The following UBAP2 variants were observed in gnomAD, a reference collection of about 807,000 sequenced individuals.
UBAP2 encodes the protein ubiquitin-associated protein 2.
UBAP2 carries 75 observed loss-of-function variants against 139.6 expected under a neutral mutation model. That is an observed-to-expected ratio of 0.54 (90% CI 0.45 to 0.65). The LOEUF (loss-of-function observed/expected upper bound fraction) is 0.65, where lower values mean the gene tolerates loss of function less well. UBAP2 is among the 30% of genes least tolerant of loss of function. The pLI, the probability that UBAP2 is intolerant of heterozygous loss-of-function variation, is 0.00. For synonymous variants in UBAP2, 526 were observed against 526.2 expected (o/e 1.00, Z 0.01); for missense variants, 1,368 against 1,369.6 (o/e 1.00, Z 0.02).
intron 2 of UBAP2, among the ~76,000 whole-genome samples, chr9:34,006,708 A>G (rs1823253472): frequency 6.6e-6 from 1 of 152,126 alleles, no homozygotes; most frequent in Non-Finnish European, 1.5e-5. Context: ...CGTAAAGAAA[A>G]TGTGGGCCTA....
At chr9:34,018,690 C>A (rs1015789113) in intron 1 of UBAP2, among the ~76,000 whole-genome samples, 9 of 151,964 alleles carry the variant, frequency 5.9e-5, no homozygotes, top group Non-Finnish European at 1.3e-4. Flanking sequence ...GGTGAAACCC[C>A]GTCTCTACTA....
At chr9:34,019,883 C>T (rs985871879) in intron 1 of UBAP2, among the ~76,000 whole-genome samples, 5 of 151,918 alleles carry the variant, frequency 3.3e-5, no homozygotes, top group Admixed American at 6.6e-5. Context: ...AATGTGCAGC[C>T]GGTCGCGGTG....
chr9:33,997,281 T>C (rs1452585935), intron 3 of UBAP2: 1 of 152,198 alleles, frequency 6.6e-6, no homozygotes, highest in African/African-American at 2.4e-5. Context: ...CTAGGCAAAA[T>C]GCAGGTTTCT....
intron 2 of UBAP2, among the ~76,000 whole-genome samples, chr9:34,012,097 T>C (rs1264488961): frequency 6.6e-6 from 1 of 152,234 alleles, no homozygotes; most frequent in African/African-American, 2.4e-5. Flanking sequence ...TTCTAAGACA[T>C]TTTATATCAT....
In UBAP2 at chr9:33,963,841, G is replaced by A. The variant is rs1323821300; in HGVS notation, c.680-50C>T. ...GTTTAAACATATGAAAAGAATGAAA[G>A]TATTCATCACAGAGAAGATGGTCAC... On this transcript the variant is annotated intron_variant, in intron 8 of 28. Transcript: ENST00000379238. 3 of 1,361,920 alleles carry A rather than the reference G, an allele frequency of 2.2e-6. No individual in the cohort carries two copies. In the Admixed American group the frequency reaches 5.1e-5, roughly 23 times the overall value. The allele number at this position is 1,361,920 out of a possible 1,614,324, so 84.4% of individuals were successfully genotyped here.
chr9:33,948,195 A>T (rs533086176), intron 13 of UBAP2, among the ~76,000 whole-genome samples, 179 bp downstream of exon 13: 15 of 152,164 alleles, frequency 9.9e-5, no homozygotes, highest in African/African-American at 3.6e-4. Flanking sequence ...AACAACAAAA[A>T]CAAATAAATG....
intron 1 of UBAP2, among the ~76,000 whole-genome samples, chr9:34,035,589 G>C (rs1184153687): frequency 7.0e-6 from 1 of 143,864 alleles, no homozygotes; most frequent in East Asian, 2.2e-4. Context: ...GGAGGCTGAG[G>C]CACAAGAATC....
chr9:34,021,012 A>G (rs972049314), intron 1 of UBAP2, among the ~76,000 whole-genome samples: 3 of 152,138 alleles, frequency 2.0e-5, no homozygotes, highest in Admixed American at 2.0e-4. Context: ...CATGATGTGG[A>G]AAGATATTCC....
chr9:33,974,081 C>T (rs538423205), intron 6 of UBAP2, among the ~76,000 whole-genome samples: 3 of 152,038 alleles, frequency 2.0e-5, no homozygotes, highest in African/African-American at 7.2e-5. Flanking sequence ...AACTTAGCTA[C>T]CTGACAGGCT....
chr9:34,018,536 A>G (rs1436281666), intron 1 of UBAP2, among the ~76,000 whole-genome samples: 4 of 152,262 alleles, frequency 2.6e-5, no homozygotes, highest in Admixed American at 2.6e-4. Flanking sequence ...CTCAAAGCAG[A>G]GTCTCAAAGA....
chr9:33,986,697 A>G (rs1473026770), intron 6 of UBAP2, 63 bp downstream of exon 6: 1 of 1,368,076 alleles, frequency 7.3e-7, no homozygotes, highest in Non-Finnish European at 1.0e-6. Flanking sequence ...ACAGTCCAGC[A>G]ACGCAACTGC....
chr9:34,030,753 C>T (rs564737937), intron 1 of UBAP2, among the ~76,000 whole-genome samples: 23 of 151,850 alleles, frequency 1.5e-4, no homozygotes, highest in African/African-American at 4.8e-4. Flanking sequence ...GGTGAAACCC[C>T]GTCTCTACTA....
chr9:33,941,930 A>G, intron 15 of UBAP2, 68 bp from the exon 16 acceptor site: 1 of 1,062,340 alleles, frequency 9.4e-7, no homozygotes, highest in Non-Finnish European at 1.4e-6. Flanking sequence ...AAAAAAAAAC[A>G]TAAACAGCTT....
chr9:33,926,914 C>G, intron 21 of UBAP2, 75 bp downstream of exon 21: 2 of 1,468,292 alleles, frequency 1.4e-6, no homozygotes, highest in Non-Finnish European at 1.9e-6. Context: ...CTGGGCCCAA[C>G]GCCAGGTTCC....
intron 4 of UBAP2, among the ~76,000 whole-genome samples, chr9:33,990,172 T>C (rs1821577685): frequency 6.6e-6 from 1 of 152,164 alleles, no homozygotes; most frequent in Non-Finnish European, 1.5e-5. Context: ...ATTGGCCCAA[T>C]AGTTTCCATT....
At chr9:34,021,682 G>A (rs1245550838) in intron 1 of UBAP2, among the ~76,000 whole-genome samples, 1 of 148,744 alleles carries the variant, frequency 6.7e-6, no homozygotes, top group Admixed American at 6.8e-5. Flanking sequence ...CACCCAGGCT[G>A]GAGTGCAGTG....
intron 3 of UBAP2, 54 bp from the exon 4 acceptor site, chr9:33,996,387 A>G: frequency 8.7e-7 from 1 of 1,154,362 alleles, no homozygotes; most frequent in Non-Finnish European, 1.3e-6. Flanking sequence ...GGCACTTGAT[A>G]TTAAGATTCT....
At chr9:33,991,683 GA>G in intron 4 of UBAP2, among the ~76,000 whole-genome samples, 1 of 152,116 alleles carries the variant, frequency 6.6e-6, no homozygotes, top group East Asian at 1.9e-4. Flanking sequence ...CTATGCCAGA[GA>G]AAATAATGCC....
chr9:33,926,933 G>T, intron 21 of UBAP2, 56 bp downstream of exon 21: 3 of 1,557,748 alleles, frequency 1.9e-6, no homozygotes, highest in Non-Finnish European at 2.7e-6. Flanking sequence ...CCTGCCAGGT[G>T]CCAGCCCCCG....
Sources: allele counts gnomAD v4.1 joint callset (sites outside exome capture counted in the v4.1 genomes callset), GRCh38; gene constraint gnomAD v4.1.1; transcripts MANE v1.5; gene names NCBI Gene and HGNC (gene_info 2026-07-23, HGNC 2026-07-21).